The following WDR11 variants were observed in gnomAD, a reference collection of about 807,000 sequenced individuals.
The protein encoded by WDR11 is WD repeat-containing protein 11.
Under a neutral mutation model 151.2 loss-of-function variants are expected in WDR11, and 83 were observed. The ratio of observed to expected loss-of-function variants is 0.55; its 90% CI spans 0.46 to 0.66. WDR11 has a LOEUF of 0.66. WDR11 is among the 30% of genes least tolerant of loss of function. The pLI is 0.00. For missense variants in WDR11, 1,301 were observed against 1,480.9 expected, an observed-to-expected ratio of 0.88 and a Z score of 1.99; for synonymous variants, 484 against 533.1, an observed-to-expected ratio of 0.91 and a Z score of 1.27.
At chr10:120,896,383 A>G (rs1470309018) in intron 19 of WDR11, among the ~76,000 whole-genome samples, 1 of 152,204 alleles carries the variant, frequency 6.6e-6, no homozygotes, top group Non-Finnish European at 1.5e-5. Flanking sequence ...TATCTTTGTT[A>G]TACAGTTTCA....
intron 9 of WDR11, among the ~76,000 whole-genome samples, chr10:120,867,449 T>G (rs1160436264): frequency 6.6e-6 from 1 of 152,228 alleles, no homozygotes; most frequent in African/African-American, 2.4e-5. Context: ...GCATCTGGAT[T>G]TTGGACCTAG....
intron 2 of WDR11, among the ~76,000 whole-genome samples, chr10:120,852,909 T>A (rs756782339): frequency 5.9e-5 from 9 of 152,208 alleles, no homozygotes; most frequent in Non-Finnish European, 1.2e-4. Context: ...ACTTACCATA[T>A]GCTATGGATA....
At chr10:120,876,451 T>C (rs1846794509) in intron 11 of WDR11, among the ~76,000 whole-genome samples, 1 of 152,212 alleles carries the variant, frequency 6.6e-6, no homozygotes, top group Non-Finnish European at 1.5e-5. Context: ...CGTGGAATAA[T>C]AATGTCTTTA....
rs1362597506 is a variant in WDR11 at position 120,890,701 on chromosome 10, A to G, written c.2344-15A>G. On this transcript the variant is annotated splice_polypyrimidine_tract_variant and intron_variant, in intron 18 of 28. Transcript: ENST00000263461. ...CTTTTCTGTCTGGAAGTGATGCCCA[A>G]ATTCACTCTTGAAGGTTCAGATGGT... The G allele has an allele frequency of 3.1e-6, 5 of 1,614,102 alleles. No homozygotes were observed. Among genetic ancestry groups the G allele is most frequent in the Admixed American group, 1.7e-5 (1 of 60,018 alleles).
At chr10:120,868,229 G>A (rs1846384224) in intron 9 of WDR11, among the ~76,000 whole-genome samples, 2 of 152,234 alleles carry the variant, frequency 1.3e-5, no homozygotes, top group South Asian at 4.2e-4. Flanking sequence ...CGAGGCGGGA[G>A]GATCACTTGA....
chr10:120,866,276 CATTA>C (rs903498190), intron 7 of WDR11, among the ~76,000 whole-genome samples: 3 of 152,072 alleles, frequency 2.0e-5, no homozygotes, highest in African/African-American at 7.2e-5. Flanking sequence ...GAAATTTATT[CATTA>C]ATTATATATC....
At position 120,905,978 on chromosome 10, in the gene WDR11, C is replaced by G. The variant is rs1290811953; in HGVS notation, c.3394C>G (p.Leu1132Val). ...NQKSKALLVL[L>V]SLGCFFSVAE... ...GAAATCAAAGGCTCTCCTGGTTCTC[C>G]TCTCTCTGGGCTGCTTTTTTAGCGT... is the stretch of plus-strand genomic sequence containing the variant. The change falls in exon 27 of 29, where the codon CTC (leucine) becomes GTC (valine). Residue 1132 changes from leucine to valine, a missense_variant. Leu to Val is a conservative substitution (Grantham distance 32). Transcript: ENST00000263461. 6.2e-7 allele frequency: 1 copy of G among 1,614,092 alleles called. No homozygotes were observed. Among genetic ancestry groups the G allele is most frequent in the Admixed American group, 1.7e-5 (1 of 60,016 alleles).
intron 16 of WDR11, 103 bp downstream of exon 16, chr10:120,886,939 G>A (rs1000079809): frequency 7.2e-6 from 9 of 1,257,964 alleles, no homozygotes; most frequent in Admixed American, 1.9e-5. Flanking sequence ...AAAGCCTAAT[G>A]TAAATAAACT....
intron 19 of WDR11, among the ~76,000 whole-genome samples, chr10:120,898,218 C>T (rs1847682274): frequency 6.6e-6 from 1 of 152,142 alleles, no homozygotes; most frequent in African/African-American, 2.4e-5. Context: ...ATTCATTCTT[C>T]AAAATTCTGT....
Position 120,852,602 on chromosome 10 carries a change from A to G in WDR11, c.165A>G (p.Gln55=), listed in dbSNP as rs767281316. The G allele has an allele frequency of 6.2e-7, 1 of 1,614,030 alleles. No individual in the cohort carries two copies. Among genetic ancestry groups the G allele is most frequent in the Non-Finnish European group, 8.5e-7 (1 of 1,179,972 alleles). ...VIDSITAQTL[Q]VLEKHKADVV... is the part of the protein sequence containing the mutation. ...ATTCCATTACTGCCCAAACTCTTCA[A>G]GTTTTAGAAAAGCATAAAGCTGATG... The change falls in exon 2 of 29, where the codon CAA becomes CAG. Residue 55 remains glutamine (Q), a synonymous_variant. Coordinates refer to ENST00000263461, the MANE Select transcript of WDR11 (RefSeq NM_018117.12).
chr10:120,852,720 C>G, intron 2 of WDR11, 85 bp downstream of exon 2: 1 of 1,164,954 alleles, frequency 8.6e-7, no homozygotes, highest in Non-Finnish European at 1.3e-6. Flanking sequence ...TTAAGTCTTA[C>G]GTGTAAGTGT....
intron 19 of WDR11, among the ~76,000 whole-genome samples, chr10:120,894,372 A>G (rs1847531953): frequency 1.3e-5 from 2 of 152,186 alleles, no homozygotes; most frequent in Admixed American, 1.3e-4. Flanking sequence ...AGCTTTCCAC[A>G]GTCATTTTCG....
chr10:120,885,670 G>A (rs1162850944), intron 14 of WDR11, 144 bp from the exon 15 acceptor site: 7 of 1,082,612 alleles, frequency 6.5e-6, no homozygotes, highest in Non-Finnish European at 9.5e-6. Flanking sequence ...TCTCTAAGTA[G>A]GTAAAATCTA....
intron 10 of WDR11, among the ~76,000 whole-genome samples, chr10:120,871,683 T>C (rs1380977707): frequency 1.3e-5 from 2 of 152,166 alleles, no homozygotes; most frequent in Non-Finnish European, 2.9e-5. Context: ...ACCCCAGTCT[T>C]TATGTCATGT....
Position 120,866,779 on chromosome 10 carries a change from A to T in WDR11, c.1190+15A>T. 1 of 1,614,006 alleles carries T rather than the reference A, an allele frequency of 6.2e-7. No individual in the cohort carries two copies. The highest frequency in any genetic ancestry group is 1.1e-5 in the South Asian group (1 of 91,022). ...TCACGGAACAGGTAAATGAATCAAC[A>T]GGATCATGGTTTTGTTTTTTGTTTC... On this transcript the variant is annotated intron_variant, in intron 8 of 28. Transcript: ENST00000263461.
chr10:120,885,278 T>C (rs5017943), intron 14 of WDR11, among the ~76,000 whole-genome samples: 28,022 of 118,736 alleles, frequency 0.24, 2,778 homozygotes, highest in East Asian at 0.39. Flanking sequence ...GAAGTATATA[T>C]ATATATATAC....
intron 26 of WDR11, 162 bp from the exon 27 acceptor site, chr10:120,905,714 C>A: frequency 7.7e-7 from 1 of 1,296,508 alleles, no homozygotes; most frequent in Non-Finnish European, 1.1e-6. Flanking sequence ...TAGGCACAGA[C>A]CGTTATCATT....
intron 2 of WDR11, among the ~76,000 whole-genome samples, chr10:120,856,825 A>G (rs1239969626): frequency 6.6e-6 from 1 of 152,096 alleles, no homozygotes; most frequent in Non-Finnish European, 1.5e-5. Context: ...ATACACATAG[A>G]GACAGTCAAT....
chr10:120,882,544 G>GTTTTTTTTTTTTTTT (rs367918882), intron 13 of WDR11, among the ~76,000 whole-genome samples: 1 of 142,412 alleles, frequency 7.0e-6, no homozygotes, highest in African/African-American at 2.6e-5. Context: ...ATTCAGTTTT[G>GTTTTTTTTTTTTTTT]TTTTTTTTTT....
Sources: gnomAD v4.1 joint callset for allele counts (sites outside exome capture counted in the v4.1 genomes callset) on GRCh38, gnomAD v4.1.1 for gene constraint, MANE v1.5 for transcripts, NCBI Gene and HGNC (gene_info 2026-07-23, HGNC 2026-07-21) for gene names.